SLC6A2: variants seen among roughly 807,000 people sequenced by gnomAD.
The protein encoded by SLC6A2 is sodium-dependent noradrenaline transporter.
A neutral mutation model predicts 71.7 loss-of-function variants in SLC6A2; 26 were observed. That is an observed-to-expected ratio of 0.36 (90% CI 0.27 to 0.50). The LOEUF (loss-of-function observed/expected upper bound fraction) is 0.50, where lower values mean the gene tolerates loss of function less well. Ranked by LOEUF, SLC6A2 falls within the 20% of genes least tolerant of loss-of-function variation. The pLI is 0.96. For missense variants in SLC6A2, 581 were observed against 803.9 expected (o/e 0.72, Z 3.35); for synonymous variants, 363 against 337.9 (o/e 1.07, Z -0.82).
Position 55,693,876 on chromosome 16 carries a change from CTG to C in SLC6A2, c.919-133_919-132del, listed in dbSNP as rs570228364. ...GATGCAGGGGAGGGAGTTGCCAGGG[CTG>C]CCCATCTCTGGTTCAGACCATGTTT... On this transcript the variant is annotated intron_variant, in intron 6 of 14. Coordinates refer to ENST00000568943, the MANE Select transcript of SLC6A2 (RefSeq NM_001172501.3). 216 of 752,238 alleles carry C rather than the reference CTG, an allele frequency of 2.9e-4. 3 individuals are homozygous for C. In the East Asian group the frequency reaches 5.2e-3, roughly 18 times the overall value. The allele number at this position is 752,238 out of a possible 1,614,324, so 46.6% of individuals were successfully genotyped here.
intron 2 of SLC6A2, among the ~76,000 whole-genome samples, chr16:55,663,643 G>GTCTA (rs1289393622): frequency 6.6e-6 from 1 of 152,162 alleles, no homozygotes; most frequent in African/African-American, 2.4e-5. Context: ...AAACCTATCT[G>GTCTA]TCTATCTATC....
chr16:55,695,148 G>A (rs1159280338), intron 7 of SLC6A2, 130 bp from the exon 8 acceptor site: 30 of 1,016,528 alleles, frequency 3.0e-5, no homozygotes, highest in Non-Finnish European at 4.5e-5. Context: ...CCATGTGGCA[G>A]CAGGAGCCAC....
At chr16:55,684,300 C>CAAAAA (rs34610275) in intron 4 of SLC6A2, among the ~76,000 whole-genome samples, 1 of 132,994 alleles carries the variant, frequency 7.5e-6, no homozygotes, top group African/African-American at 2.9e-5. Context: ...GAGCCTGTCT[C>CAAAAA]AAAAAAAAAA....
intron 9 of SLC6A2, 34 bp from the exon 10 acceptor site, chr16:55,697,863 A>T: frequency 2.5e-6 from 4 of 1,613,090 alleles, no homozygotes; most frequent in Non-Finnish European, 3.4e-6. Flanking sequence ...GGAGACCCTA[A>T]TTCCTGCACC....
chr16:55,680,313 C>A (rs1374447007), intron 4 of SLC6A2, among the ~76,000 whole-genome samples: 1 of 152,148 alleles, frequency 6.6e-6, no homozygotes, highest in African/African-American at 2.4e-5. Flanking sequence ...TCTAGAGGGA[C>A]AGACTAATGA....
chr16:55,694,142 C>T, intron 7 of SLC6A2, 29 bp downstream of exon 7: 2 of 1,401,410 alleles, frequency 1.4e-6, no homozygotes, highest in Non-Finnish European at 2.0e-6. Flanking sequence ...TTCTGAGAAG[C>T]TCTAAATCCT....
At chr16:55,684,550 C>G (rs1360474851) in intron 4 of SLC6A2, among the ~76,000 whole-genome samples, 1 of 152,160 alleles carries the variant, frequency 6.6e-6, no homozygotes, top group African/African-American at 2.4e-5. Context: ...GAAATGTTCA[C>G]TTTTGTCTCA....
rs1293561593 is a variant in SLC6A2, at chr16:55,700,100, T to C, written c.1591-39T>C. The C allele has an allele frequency of 4.4e-6, 7 of 1,581,150 alleles. No homozygotes were observed. In the South Asian group the frequency reaches 4.4e-5, roughly 10 times the overall value. ...TCTTTCCTTTCTTGTCTCTCTTCTG[T>C]CCTGTCTTCCTTTCTCTCCCTTCTC... is the stretch of plus-strand genomic sequence containing the variant. On this transcript the variant is annotated intron_variant, in intron 12 of 14. Coordinates refer to ENST00000568943, the MANE Select transcript of SLC6A2 (RefSeq NM_001172501.3).
intron 5 of SLC6A2, among the ~76,000 whole-genome samples, chr16:55,687,564 C>T (rs1175662607): frequency 2.0e-5 from 2 of 100,364 alleles, no homozygotes; most frequent in Non-Finnish European, 4.2e-5. Context: ...TTGTCTAGCA[C>T]TCTCTGTGCC....
chr16:55,682,609 G>A (rs1965308923), intron 4 of SLC6A2, among the ~76,000 whole-genome samples: 1 of 152,188 alleles, frequency 6.6e-6, no homozygotes. Context: ...TCCTCATCCT[G>A]GGAGACCCTT....
At chr16:55,670,296 G>T (rs912805144) in intron 3 of SLC6A2, among the ~76,000 whole-genome samples, 6 of 152,200 alleles carry the variant, frequency 3.9e-5, no homozygotes, top group African/African-American at 1.4e-4. Flanking sequence ...ACGAGGGCCA[G>T]TGTGACTCCC....
chr16:55,669,839 C>A, intron 3 of SLC6A2, 143 bp downstream of exon 3: 1 of 892,060 alleles, frequency 1.1e-6, no homozygotes, highest in Non-Finnish European at 1.8e-6. Context: ...CAGTGTCCCC[C>A]ATTCCAAGTT....
intron 4 of SLC6A2, among the ~76,000 whole-genome samples, chr16:55,672,667 T>C (rs1263256688): frequency 1.3e-5 from 2 of 152,162 alleles, no homozygotes; most frequent in African/African-American, 4.8e-5. Flanking sequence ...CCGAGTTGAT[T>C]TGACCCTGAA....
At chr16:55,687,753 A>G (rs1965499810) in intron 5 of SLC6A2, among the ~76,000 whole-genome samples, 1 of 152,268 alleles carries the variant, frequency 6.6e-6, no homozygotes, top group East Asian at 1.9e-4. Flanking sequence ...GGGTTCCCCA[A>G]TGCCATCACC....
At chr16:55,688,821 G>A (rs188773952) in intron 5 of SLC6A2, among the ~76,000 whole-genome samples, 1 of 152,106 alleles carries the variant, frequency 6.6e-6, no homozygotes, top group East Asian at 1.9e-4. Context: ...CACCTTCCTG[G>A]GCAGCTCTTT....
chr16:55,687,221 G>T (rs1190884745), intron 5 of SLC6A2, among the ~76,000 whole-genome samples: 3 of 258 alleles, frequency 0.012, no homozygotes, highest in South Asian at 0.083. Flanking sequence ...AAATGAAAAA[G>T]TCTAGATAAT....
rs1294082302 is a variant in SLC6A2, at chr16:55,671,960, G to T, written c.429G>T (p.Leu143=). ...FFKGVGYAVI[L]IALYVGFYYN... Reference sequence around the variant, plus strand: ...CAGGCGTTGGCTATGCTGTCATCCTGATCGCCCTGTACGTTGGCTTCTACT... The same window carrying T: ...CAGGCGTTGGCTATGCTGTCATCCTTATCGCCCTGTACGTTGGCTTCTACT... Residue 143 remains leucine, a synonymous_variant, in exon 4 of 15, where the codon CTG becomes CTT. Transcript: ENST00000568943. The T allele has an allele frequency of 6.2e-7, 1 of 1,614,036 alleles. No homozygotes were observed. The highest frequency in any genetic ancestry group is 8.5e-7 in the Non-Finnish European group (1 of 1,180,044).
intron 2 of SLC6A2, among the ~76,000 whole-genome samples, chr16:55,658,485 C>A (rs1289083063): frequency 1.3e-5 from 2 of 151,944 alleles, no homozygotes; most frequent in African/African-American, 2.4e-5. Flanking sequence ...TGCACTCCAG[C>A]CTGGACCATG....
Position 55,702,004 on chromosome 16 carries a change from G to C in SLC6A2, c.1830+70G>C, listed in dbSNP as rs573991280. On this transcript the variant is annotated intron_variant, in intron 14 of 14. Coordinates refer to ENST00000568943, the MANE Select transcript of SLC6A2 (RefSeq NM_001172501.3). ...CCCTGGCTGTTCCCTGCTGTGCACT[G>C]CCCAAGGCTAGACATCACATCCAGA... 6.4e-5 allele frequency: 74 copies of C among 1,163,070 alleles called. No individual in the cohort carries two copies. The South Asian group carries it at 8.7e-4, about 14-fold the overall frequency. The allele number at this position is 1,163,070 out of a possible 1,614,324, so 72.0% of individuals were successfully genotyped here.
Sources: gnomAD v4.1 joint callset for allele counts (sites outside exome capture counted in the v4.1 genomes callset) on GRCh38, gnomAD v4.1.1 for gene constraint, MANE v1.5 for transcripts, NCBI Gene and HGNC (gene_info 2026-07-23, HGNC 2026-07-21) for gene names.